Variants in TRIM46 observed in about 807,000 individuals in gnomAD.
TRIM46 encodes tripartite motif containing 46, also known as tripartite motif-containing protein 46.
A neutral mutation model predicts 69.7 loss-of-function variants in TRIM46; 17 were observed. The ratio of observed to expected loss-of-function variants is 0.24; its 90% CI spans 0.17 to 0.37. The LOEUF (loss-of-function observed/expected upper bound fraction) is 0.37, where lower values mean the gene tolerates loss of function less well. TRIM46 is among the 10% of genes least tolerant of loss of function. The pLI is 1.00. For synonymous variants in TRIM46, 391 were observed against 429.0 expected (o/e 0.91, Z 1.09); for missense variants, 675 against 1,025.1 (o/e 0.66, Z 4.66).
chr1:155,182,551 CT>C (rs1284762906), intron 9 of TRIM46: 2 of 302,620 alleles, frequency 6.6e-6, no homozygotes, highest in African/African-American at 2.2e-5. Context: ...TCTTAAAATT[CT>C]TCCCTTAGCC....
chr1:155,183,676 C>A, intron 9 of TRIM46, 121 bp from the exon 10 acceptor site: 1 of 1,360,906 alleles, frequency 7.3e-7, no homozygotes, highest in Non-Finnish European at 1.0e-6. Flanking sequence ...CTTCTCAACA[C>A]CCAAAATCCA....
In TRIM46 at chr1:155,179,842, G is replaced by A. The variant is rs754197474; in HGVS notation, c.1496G>A (p.Gly499Asp). 1.9e-5 allele frequency: 30 copies of A among 1,613,510 alleles called. No homozygotes were observed. The highest frequency in any genetic ancestry group is 6.7e-5 in the East Asian group (3 of 44,872). Residue 499 changes from glycine (G) to aspartate (D), a missense_variant, in exon 8 of 10, where the codon GGC (glycine) becomes GAC (aspartate). This residue lies in a region of TRIM46 where 361 missense variants were observed against 498.3 expected (regional missense o/e 0.72). Transcript: ENST00000334634. Reference protein sequence around the residue: ...TSALLENPDTGSVYVLRVRGC... With the variant: ...TSALLENPDTDSVYVLRVRGC... ...GCCCTGCTTGAGAACCCCGACACGG[G>A]CTCTGTGTATGTGCTGCGTGTCCGC...
Position 155,178,175 on chromosome 1 carries a change from T to C in TRIM46, c.1083T>C (p.Gly361=). The change falls in exon 6 of 10, where the codon GGT becomes GGC. Residue 361 remains glycine, a synonymous_variant. Transcript: ENST00000334634. ...ACCGGAGCCTGCTGGATGGCTCAGG[T>C]CTGGTGGGCTATGCCCAGGAAGTAC... ...QEHRSLLDGS[G]LVGYAQEVLK... 5 of 1,613,998 alleles carry C rather than the reference T, an allele frequency of 3.1e-6. No individual in the cohort carries two copies. The highest frequency in any genetic ancestry group is 4.2e-6 in the Non-Finnish European group (5 of 1,179,916).
At chr1:155,178,739 T>TTGGGGCCCCCCCCCCCCCCCCCCCCC in intron 7 of TRIM46, 126 bp downstream of exon 7, 10 of 1,348,464 alleles carry the variant, frequency 7.4e-6, no homozygotes, top group Non-Finnish European at 9.2e-6. Context: ...CAGCCATTCC[T>TTGGGGCCCCCCCCCCCCCCCCCCCCC]CCCACCCAGC....
At chr1:155,178,469 AC>A in intron 6 of TRIM46, 22 bp from the exon 7 acceptor site, 1 of 1,612,958 alleles carries the variant, frequency 6.2e-7, no homozygotes. Flanking sequence ...GCAGTGCCTG[AC>A]CCTTTCTTGC....
chr1:155,176,454 T>C (rs893846932), intron 3 of TRIM46, among the ~76,000 whole-genome samples: 1 of 152,222 alleles, frequency 6.6e-6, no homozygotes, highest in Non-Finnish European at 1.5e-5. Flanking sequence ...TGCCCTGCAA[T>C]GTCCATACCT....
In TRIM46 at chr1:155,173,941, C is replaced by G; in HGVS notation, c.-26C>G. ...GCAGCCGCAGCCGGGATCGGGCACC[C>G]AGGGGCGGGCGGGCACGGTAGGGCC... is the stretch of plus-strand genomic sequence containing the variant. On this transcript the variant is annotated 5_prime_UTR_variant, in exon 1 of 10. Coordinates refer to ENST00000334634, the MANE Select transcript of TRIM46 (RefSeq NM_025058.5). The G allele has an allele frequency of 6.4e-7, 1 of 1,569,084 alleles. No homozygotes were observed.
In TRIM46 at chr1:155,181,929, C is replaced by G; in HGVS notation, c.1666C>G (p.Arg556Gly). 1 of 1,614,068 alleles carries G rather than the reference C, an allele frequency of 6.2e-7. No individual in the cohort carries two copies. Among genetic ancestry groups the G allele is most frequent in the Non-Finnish European group, 8.5e-7 (1 of 1,180,040 alleles). ...LAISKDQRAV[R>G]SVPGLPLLLA... The stretch of plus-strand genomic sequence containing the variant: ...TATCAGCAAGGACCAGCGAGCAGTA[C>G]GGAGTGTTCCAGGGCTGCCCCTGCT... The change falls in exon 9 of 10, where the codon CGG becomes GGG. Residue 556 changes from arginine (R) to glycine (G), a missense_variant. Coordinates refer to ENST00000334634, the MANE Select transcript of TRIM46 (RefSeq NM_025058.5). This position sits in a 1 kb window ranked among gnomAD's most constrained non-coding sequence, Gnocchi z 4.3.
chr1:155,175,614 A>G lies in TRIM46; in HGVS notation c.292A>G (p.Lys98Glu). 1 of 1,613,708 alleles carries G rather than the reference A, an allele frequency of 6.2e-7. No individual in the cohort carries two copies. Among genetic ancestry groups the G allele is most frequent in the Non-Finnish European group, 8.5e-7 (1 of 1,179,926 alleles). ...CCGCCTCTCCCGCAGAACTCTCCCC[A>G]AGCCAGACCGCCTGGACCGGCTGCT... ...SPRLSRRTLP[K>E]PDRLDRLLKS... The change falls in exon 2 of 10, where the codon AAG becomes GAG. Residue 98 changes from lysine (K) to glutamate (E), a missense_variant. This residue lies in a region of TRIM46 where 170 missense variants were observed against 255.6 expected (regional missense o/e 0.67). Coordinates refer to ENST00000334634, the MANE Select transcript of TRIM46 (RefSeq NM_025058.5). This position sits in a 1 kb window ranked among gnomAD's most constrained non-coding sequence, Gnocchi z 4.2.
rs1180460691 is a variant in TRIM46 at position 155,181,772 on chromosome 1, G to A, written c.1589-80G>A. On this transcript the variant is annotated intron_variant, in intron 8 of 9. Transcript: ENST00000334634. The surrounding 1 kb of genome is among the most constrained non-coding windows in gnomAD (Gnocchi z 4.3). ...TGAACCCCCTTGCAACGCGTTCCCT[G>A]TTCTGCAGTCTCACAGCCCCCAGTG... The A allele has an allele frequency of 4.6e-6, 7 of 1,505,462 alleles. No homozygotes were observed. Among genetic ancestry groups the A allele is most frequent in the Non-Finnish European group, 5.4e-6 (6 of 1,108,088 alleles). 93.3% of individuals were successfully genotyped at this position (1,505,462 alleles called of 1,614,324 possible).
chr1:155,174,998 G>C (rs1216900105), intron 1 of TRIM46: 2 of 1,384,534 alleles, frequency 1.4e-6, no homozygotes, highest in Admixed American at 7.0e-5. Context: ...GAAGGGAGTG[G>C]GGGTCTGCAT....
At chr1:155,176,816 C>A in intron 3 of TRIM46, 116 bp from the exon 4 acceptor site, 1 of 1,307,954 alleles carries the variant, frequency 7.6e-7, no homozygotes, top group African/African-American at 1.5e-5. Flanking sequence ...GCACCACCAG[C>A]GGATGTCTCC....
In TRIM46 at chr1:155,173,860, T is replaced by A; in HGVS notation, c.-107T>A. On this transcript the variant is annotated 5_prime_UTR_variant, in exon 1 of 10. Transcript: ENST00000334634. Reference sequence around the variant, plus strand: ...TCCCGGGAGCATGCGCAGTGACACCTCAACCCCCAGCCCTCCTCACACCCC... The same window carrying A: ...TCCCGGGAGCATGCGCAGTGACACCACAACCCCCAGCCCTCCTCACACCCC... 1.7e-6 allele frequency: 2 copies of A among 1,191,950 alleles called. No homozygotes were observed. Among genetic ancestry groups the A allele is most frequent in the Non-Finnish European group, 2.4e-6 (2 of 834,016 alleles). The allele number at this position is 1,191,950 out of a possible 1,614,324, so 73.8% of individuals were successfully genotyped here.
At chr1:155,174,532 G>T in intron 1 of TRIM46, 2 of 1,463,060 alleles carry the variant, frequency 1.4e-6, no homozygotes, top group Non-Finnish European at 1.8e-6. Context: ...CTCTCCCAGG[G>T]GCGGTGCCAA....
Position 155,178,199 on chromosome 1 carries a change from A to G in TRIM46, c.1107A>G (p.Val369=), listed in dbSNP as rs764900065. The G allele has an allele frequency of 1.6e-5, 26 of 1,612,790 alleles. No individual in the cohort carries two copies. The highest frequency in any genetic ancestry group is 2.5e-6 in the Non-Finnish European group (3 of 1,179,042). ...GTCTGGTGGGCTATGCCCAGGAAGT[A>G]CTTAAGGAAACAGACCAGCCTTGCT... is the stretch of plus-strand genomic sequence containing the variant. ...GSGLVGYAQE[V]LKETDQPCFV... Residue 369 remains valine (V), a synonymous_variant, in exon 6 of 10, where the codon GTA becomes GTG. Coordinates refer to ENST00000334634, the MANE Select transcript of TRIM46 (RefSeq NM_025058.5).
Position 155,181,357 on chromosome 1 carries a change from C to T in TRIM46, c.1589-495C>T, listed in dbSNP as rs374544324. On this transcript the variant is annotated intron_variant, in intron 8 of 9. Transcript: ENST00000334634. The surrounding 1 kb of genome is among the most constrained non-coding windows in gnomAD (Gnocchi z 4.3). ...TACAGTGTCCGGCTCATGGTTAGGG[C>T]TCAAGAATGTTACTAAAGTGACTAG... 1.3e-5 allele frequency among the ~76,000 whole-genome samples: 2 copies of T among 152,134 alleles called. No homozygotes were observed. The highest frequency in any genetic ancestry group is 4.8e-5 in the African/African-American group (2 of 41,408).
At chr1:155,180,084 A>C in intron 8 of TRIM46, 150 bp downstream of exon 8, 1 of 972,714 alleles carries the variant, frequency 1.0e-6, no homozygotes, top group Non-Finnish European at 1.5e-6. Flanking sequence ...CTTGGGTTCA[A>C]ATCCCAGCTC....
chr1:155,180,497 A>G, intron 8 of TRIM46: 1 of 406,244 alleles, frequency 2.5e-6, no homozygotes, highest in Non-Finnish European at 4.4e-6. Flanking sequence ...CGGGAGGCTG[A>G]GGTAGGAGAA....
Position 155,184,280 on chromosome 1 carries a change from C to T in TRIM46, c.*90C>T. On this transcript the variant is annotated 3_prime_UTR_variant, in exon 10 of 10. Coordinates refer to ENST00000334634, the MANE Select transcript of TRIM46 (RefSeq NM_025058.5). The surrounding 1 kb of genome is among the most constrained non-coding windows in gnomAD (Gnocchi z 5.6). ...CCCGGTTGTTACCCCCTGGCAGCTT[C>T]TCCCCCAAACTCTCCTACCATGTGG... 2 of 1,332,012 alleles carry T rather than the reference C, an allele frequency of 1.5e-6. No homozygotes were observed. The highest frequency in any genetic ancestry group is 2.0e-6 in the Non-Finnish European group (2 of 999,714). The allele number at this position is 1,332,012 out of a possible 1,614,324, so 82.5% of individuals were successfully genotyped here. A position where few individuals can be genotyped will look rare whatever the true frequency, so the allele number is the denominator to read the frequency against.
Sources: allele counts gnomAD v4.1 joint callset (sites outside exome capture counted in the v4.1 genomes callset), GRCh38; gene constraint gnomAD v4.1.1; regional missense constraint gnomAD v4.1.1; non-coding constraint Gnocchi (gnomAD v3.1); transcripts MANE v1.5; gene names NCBI Gene and HGNC (gene_info 2026-07-23, HGNC 2026-07-21).